EPB41L2: variants seen among roughly 807,000 people sequenced by gnomAD.
EPB41L2 encodes the protein band 4.1-like protein 2.
EPB41L2 carries 43 observed loss-of-function variants against 113.0 expected under a neutral mutation model. The observed-to-expected ratio is 0.38, with a 90% CI of 0.30 to 0.49. The LOEUF (loss-of-function observed/expected upper bound fraction) is 0.49. Among genes scored for constraint, EPB41L2 ranks in the 20% least tolerant of loss-of-function variants. The probability of loss-of-function intolerance (pLI) is 0.95; values close to 1 mark genes in which losing one functional copy is unlikely to be tolerated. For missense variants in EPB41L2, 1,147 were observed against 1,223.4 expected (o/e 0.94, Z 0.93); for synonymous variants, 442 against 436.7 (o/e 1.01, Z -0.15).
At chr6:130,939,680 C>A (rs758041167) in intron 3 of EPB41L2, among the ~76,000 whole-genome samples, 1 of 152,094 alleles carries the variant, frequency 6.6e-6, no homozygotes, top group South Asian at 2.1e-4. Flanking sequence ...ACTAAAGCAA[C>A]AAAATGAAAA....
chr6:131,052,979 T>C (rs1385743076), intron 1 of EPB41L2, among the ~76,000 whole-genome samples: 1 of 152,110 alleles, frequency 6.6e-6, no homozygotes, highest in East Asian at 1.9e-4. Context: ...CACTGAAACT[T>C]CCACCTCCTG....
intron 3 of EPB41L2, among the ~76,000 whole-genome samples, chr6:130,945,804 A>C (rs1489381255): frequency 3.3e-5 from 5 of 152,152 alleles, no homozygotes; most frequent in Admixed American, 3.3e-4. Context: ...CCATGGCTTC[A>C]ACTAAACCTT....
At chr6:131,039,065 C>CG (rs768032054) in intron 1 of EPB41L2, among the ~76,000 whole-genome samples, 1 of 152,128 alleles carries the variant, frequency 6.6e-6, no homozygotes, top group African/African-American at 2.4e-5. Flanking sequence ...AACGGTTCTT[C>CG]ACAAATTCAG....
At chr6:130,944,820 G>A (rs1373216557) in intron 3 of EPB41L2, among the ~76,000 whole-genome samples, 3 of 152,198 alleles carry the variant, frequency 2.0e-5, no homozygotes, top group Non-Finnish European at 4.4e-5. Context: ...AGTGGAGGAG[G>A]GAGGGGGGCC....
chr6:130,885,312 T>A, intron 11 of EPB41L2, 44 bp from the exon 12 acceptor site: 1 of 1,598,624 alleles, frequency 6.3e-7, no homozygotes, highest in African/African-American at 1.3e-5. Context: ...GACATATGAA[T>A]CATAAACTTT....
At chr6:130,942,961 G>A (rs1175323848) in intron 3 of EPB41L2, among the ~76,000 whole-genome samples, 1 of 152,214 alleles carries the variant, frequency 6.6e-6, no homozygotes, top group Non-Finnish European at 1.5e-5. Flanking sequence ...ATTCTACGGT[G>A]TATATGTGCC....
intron 1 of EPB41L2, among the ~76,000 whole-genome samples, chr6:131,005,527 G>T (rs1406771986): frequency 2.6e-5 from 4 of 152,138 alleles, no homozygotes; most frequent in Admixed American, 2.0e-4. Flanking sequence ...GTGTTGGGGG[G>T]AGCCAGAATC....
chr6:131,013,521 T>C (rs1407786492), intron 1 of EPB41L2: 1 of 152,222 alleles, frequency 6.6e-6, no homozygotes, highest in Non-Finnish European at 1.5e-5. Flanking sequence ...AAATTTTCTA[T>C]GAAGCCTAAT....
chr6:130,926,802 T>C (rs1241932317), intron 3 of EPB41L2, 93 bp from the exon 4 acceptor site: 2 of 718,436 alleles, frequency 2.8e-6, no homozygotes, highest in Non-Finnish European at 4.5e-6. Flanking sequence ...TGATTTATTA[T>C]AAATTAACAT....
intron 1 of EPB41L2, among the ~76,000 whole-genome samples, chr6:131,035,424 T>C (rs1030576746): frequency 4.6e-5 from 7 of 152,210 alleles, no homozygotes; most frequent in African/African-American, 7.2e-5. Flanking sequence ...AGTCCTACTC[T>C]TGTACTTCCC....
intron 1 of EPB41L2, among the ~76,000 whole-genome samples, chr6:131,053,475 G>T (rs552741281): frequency 6.5e-4 from 94 of 145,624 alleles, no homozygotes; most frequent in African/African-American, 2.2e-3. Context: ...TGTTTTAAAG[G>T]AAAGGCCAGG....
In EPB41L2 at chr6:130,956,314, T is replaced by C. The variant is rs1408352323; in HGVS notation, c.172A>G (p.Ser58Gly). ...TTCTCTCTCTTCTGGCGGCGTAGAC[T>C]ACTTTGGCTTTCAGCTGCAGGAGGT... ...QPPPAAESQSSLRRQKREKET... is the reference protein window; with the variant it reads ...QPPPAAESQSGLRRQKREKET... The change falls in exon 2 of 20, where the codon AGT becomes GGT. Residue 58 changes from serine (S) to glycine (G), a missense_variant. Coordinates refer to ENST00000337057, the MANE Select transcript of EPB41L2 (RefSeq NM_001431.4). The C allele has an allele frequency of 3.1e-6, 5 of 1,614,066 alleles. No homozygotes were observed. The African/African-American group carries it at 5.3e-5, about 17-fold the overall frequency.
intron 19 of EPB41L2, among the ~76,000 whole-genome samples, chr6:130,850,165 G>T (rs913528777): frequency 6.6e-6 from 1 of 152,142 alleles, no homozygotes; most frequent in African/African-American, 2.4e-5. Flanking sequence ...TTGAACCTGG[G>T]AGGCGGAAGT....
chr6:130,854,741 G>A (rs73775315), intron 19 of EPB41L2, among the ~76,000 whole-genome samples: 2,479 of 152,218 alleles, frequency 0.016, 54 homozygotes, highest in African/African-American at 0.046. Context: ...CTTAGAATAA[G>A]TCCTATGAGT....
intron 1 of EPB41L2, among the ~76,000 whole-genome samples, chr6:130,968,483 A>G (rs1241058374): frequency 6.6e-6 from 1 of 152,248 alleles, no homozygotes; most frequent in African/African-American, 2.4e-5. Context: ...TTATAGCACT[A>G]CTAAAGAGTT....
At chr6:130,866,169 C>A (rs1043920165) in intron 16 of EPB41L2, among the ~76,000 whole-genome samples, 2 of 152,128 alleles carry the variant, frequency 1.3e-5, no homozygotes, top group African/African-American at 2.4e-5. Flanking sequence ...ATGTTGTGAG[C>A]ATATATACGG....
chr6:130,850,176 T>A (rs1778373933), intron 19 of EPB41L2, among the ~76,000 whole-genome samples: 1 of 152,114 alleles, frequency 6.6e-6, no homozygotes, highest in Non-Finnish European at 1.5e-5. Context: ...AGGCGGAAGT[T>A]ACAGTGAACC....
At chr6:130,944,934 C>T (rs188992015) in intron 3 of EPB41L2, among the ~76,000 whole-genome samples, 14 of 152,264 alleles carry the variant, frequency 9.2e-5, no homozygotes, top group Middle Eastern at 6.8e-3. Context: ...TTACATGGCA[C>T]GGCAGTCTTT....
At position 130,878,220 on chromosome 6, in the gene EPB41L2, T is replaced by A; in HGVS notation, c.1927A>T (p.Lys643Ter). ...AGTTCACTAATGCTAGCCTGATGTT[T>A]CAGTATGTCCTCCTGGGCCTTATCC... ...ELDKAQEDILKHQASISELKR... is the reference protein window; with the variant it reads ...ELDKAQEDIL The change falls in exon 14 of 20, where the codon AAA (lysine) becomes TAA (stop). Residue 643 changes from lysine to a stop codon, truncating the protein, a stop_gained. Transcript: ENST00000337057. LOFTEE classifies it high-confidence loss of function. 6.2e-7 allele frequency: 1 copy of A among 1,613,060 alleles called. No individual in the cohort carries two copies.
Sources: gnomAD v4.1 joint callset for allele counts (sites outside exome capture counted in the v4.1 genomes callset) on GRCh38, gnomAD v4.1.1 for gene constraint, MANE v1.5 for transcripts, NCBI Gene and HGNC (gene_info 2026-07-23, HGNC 2026-07-21) for gene names.